Variants in HYDIN observed in about 807,000 individuals in gnomAD.
The protein encoded by HYDIN is HYDIN axonemal central pair apparatus protein, also known as axonemal central pair apparatus protein HYDIN.
HYDIN carries 132 observed loss-of-function variants against 403.9 expected under a neutral mutation model. The ratio of observed to expected loss-of-function variants is 0.33; its 90% CI spans 0.28 to 0.38. The LOEUF is 0.38. HYDIN is among the 10% of genes least tolerant of loss of function. The pLI is 1.00. For missense variants in HYDIN, 2,827 were observed against 5,009.5 expected (o/e 0.56, Z 13.15); for synonymous variants, 1,202 against 1,891.7 (o/e 0.64, Z 9.46).
At chr16:70,937,665 G>A (rs1360995176) in intron 44 of HYDIN, among the ~76,000 whole-genome samples, 1 of 71,584 alleles carries the variant, frequency 1.4e-5, no homozygotes, top group Non-Finnish European at 3.7e-5. Context: ...GCAAGAGTCT[G>A]TCTCAAAAAA....
intron 10 of HYDIN, 134 bp downstream of exon 10, chr16:71,115,562 A>T: frequency 1.8e-6 from 1 of 550,526 alleles, no homozygotes; most frequent in Non-Finnish European, 3.3e-6. Flanking sequence ...TCCCCTAATC[A>T]ATATAATCAA....
intron 35 of HYDIN, among the ~76,000 whole-genome samples, chr16:70,972,149 A>C (rs1291989607): frequency 6.9e-6 from 1 of 143,954 alleles, no homozygotes; most frequent in African/African-American, 2.6e-5. Context: ...TAAGAATGAC[A>C]AACATATTAC....
intron 5 of HYDIN, among the ~76,000 whole-genome samples, chr16:71,165,166 T>C (rs1462751117): frequency 6.6e-6 from 1 of 151,186 alleles, no homozygotes; most frequent in Non-Finnish European, 1.5e-5. Flanking sequence ...CGCTGAAAAG[T>C]ACCTAGGCTG....
rs369443840 is a variant in HYDIN, at chr16:71,229,192, A to G, written c.-24+1370T>C. On this transcript the variant is annotated intron_variant, in intron 1 of 85. Coordinates refer to ENST00000393567, the MANE Select transcript of HYDIN (RefSeq NM_001270974.2). ...GAGGGGGGAGGGATAGCATTTGGAGATATACCTAATGTAAATGACTAGTTA... is the reference window on the plus strand; with the variant it reads ...GAGGGGGGAGGGATAGCATTTGGAGGTATACCTAATGTAAATGACTAGTTA... Among the ~76,000 whole-genome samples, 64 of 151,834 alleles carry G rather than the reference A, an allele frequency of 4.2e-4. No homozygotes were observed. In the East Asian group the frequency reaches 9.1e-3, roughly 22 times the overall value.
intron 17 of HYDIN, among the ~76,000 whole-genome samples, chr16:71,061,561 C>T (rs992065966): frequency 3.3e-5 from 5 of 151,930 alleles, no homozygotes; most frequent in African/African-American, 4.8e-5. Context: ...TCCTCTTCCT[C>T]TTGGAGAGAG....
intron 1 of HYDIN, among the ~76,000 whole-genome samples, chr16:71,218,805 G>T (rs2089034965): frequency 6.6e-6 from 1 of 152,072 alleles, no homozygotes; most frequent in African/African-American, 2.4e-5. Context: ...AGCAGCAAAA[G>T]GATTATATCA....
intron 5 of HYDIN, among the ~76,000 whole-genome samples, chr16:71,175,328 T>C (rs2086627764): frequency 6.6e-6 from 1 of 151,142 alleles, no homozygotes; most frequent in Non-Finnish European, 1.5e-5. Context: ...CCAACATCAA[T>C]AACACTACCA....
rs2034999732 is a variant in HYDIN, at chr16:70,803,916, T to C, written c.*3664A>G. Among the ~76,000 whole-genome samples, 1 of 152,198 alleles carries C rather than the reference T, an allele frequency of 6.6e-6. No homozygotes were observed. The highest frequency in any genetic ancestry group is 1.5e-5 in the Non-Finnish European group (1 of 68,032). On this transcript the variant is annotated 3_prime_UTR_variant, in exon 86 of 86. Coordinates refer to ENST00000393567, the MANE Select transcript of HYDIN (RefSeq NM_001270974.2). The stretch of plus-strand genomic sequence containing the variant: ...CTGTGCACAGTGCTCCTTGGAGTTC[T>C]GCCACACAGCTACCCTGACATTTTC...
intron 69 of HYDIN, among the ~76,000 whole-genome samples, chr16:70,861,389 C>G (rs1438901569): frequency 6.6e-6 from 1 of 152,200 alleles, no homozygotes; most frequent in African/African-American, 2.4e-5. Context: ...ACTTAGGTCT[C>G]TGCCACCCTA....
chr16:71,062,015 G>A (rs1328274067), intron 17 of HYDIN, among the ~76,000 whole-genome samples, 154 bp downstream of exon 17: 4 of 152,116 alleles, frequency 2.6e-5, no homozygotes, highest in Admixed American at 1.3e-4. Flanking sequence ...ACATAGCACC[G>A]GTATTTTACC....
intron 46 of HYDIN, among the ~76,000 whole-genome samples, chr16:70,919,317 TA>T (rs10664931): frequency 1.3e-5 from 2 of 151,678 alleles, no homozygotes; most frequent in Non-Finnish European, 2.9e-5. Flanking sequence ...GTCCTTTTTT[TA>T]AAAAAAAACA....
At chr16:71,065,498 C>T (rs1355425459) in intron 15 of HYDIN, among the ~76,000 whole-genome samples, 1 of 152,098 alleles carries the variant, frequency 6.6e-6, no homozygotes, top group Non-Finnish European at 1.5e-5. Flanking sequence ...ATTTTATTTG[C>T]CGTCTGTGAC....
rs2035365841 is a variant in HYDIN at position 70,810,022 on chromosome 16, A to G, written c.14659-15T>C. 1.9e-6 allele frequency: 3 copies of G among 1,612,220 alleles called. No individual in the cohort carries two copies. Among genetic ancestry groups the G allele is most frequent in the Admixed American group, 1.7e-5 (1 of 59,970 alleles). On this transcript the variant is annotated splice_polypyrimidine_tract_variant and intron_variant, in intron 84 of 85. Coordinates refer to ENST00000393567, the MANE Select transcript of HYDIN (RefSeq NM_001270974.2). ...GAGAACGTGCCCTGGAAGAGAAAAC[A>G]GAGGATCCTGTCATGCTGAAAGGCT...
intron 46 of HYDIN, among the ~76,000 whole-genome samples, chr16:70,920,390 A>G (rs1443227075): frequency 6.7e-6 from 1 of 149,336 alleles, no homozygotes; most frequent in Non-Finnish European, 1.5e-5. Context: ...ACTAATCTAG[A>G]TGTGTGACAT....
Position 71,139,285 on chromosome 16 carries a change from A to G in HYDIN, c.842-1933T>C, listed in dbSNP as rs1260397338. On this transcript the variant is annotated intron_variant, in intron 7 of 85. Coordinates refer to ENST00000393567, the MANE Select transcript of HYDIN (RefSeq NM_001270974.2). ...AAGAAACTCAATTTTTTGGGGGGGGAAAGGTACTTGCATCCAAAGTTTCAA... is the reference window on the plus strand; with the variant it reads ...AAGAAACTCAATTTTTTGGGGGGGGGAAGGTACTTGCATCCAAAGTTTCAA... Among the ~76,000 whole-genome samples the G allele has an allele frequency of 2.2e-4, 33 of 151,700 alleles. 1 individual carries two copies. Among genetic ancestry groups the G allele is most frequent in the Admixed American group, 2.0e-3 (30 of 15,224 alleles).
At chr16:70,894,917 T>C (rs1206531317) in intron 54 of HYDIN, among the ~76,000 whole-genome samples, 1 of 152,148 alleles carries the variant, frequency 6.6e-6, no homozygotes, top group Non-Finnish European at 1.5e-5. Flanking sequence ...CCCCAAATAA[T>C]TAAAAACTCC....
intron 23 of HYDIN, among the ~76,000 whole-genome samples, chr16:70,996,559 A>G (rs1169514041): frequency 2.6e-5 from 4 of 152,032 alleles, no homozygotes; most frequent in Non-Finnish European, 5.9e-5. Context: ...GCTGTGAGCC[A>G]TAGTTCACAT....
intron 77 of HYDIN, 133 bp from the exon 78 acceptor site, chr16:70,835,967 T>A (rs1034907380): frequency 2.6e-6 from 2 of 777,676 alleles, no homozygotes; most frequent in Non-Finnish European, 2.2e-6. Context: ...TGGGTGGGCA[T>A]CTGCCTACTC....
rs576388626 is a variant in HYDIN, at chr16:71,062,014, C to T, written c.2376+155G>A. Among the ~76,000 whole-genome samples the T allele has an allele frequency of 3.9e-5, 6 of 152,204 alleles. No individual in the cohort carries two copies. The East Asian group carries it at 5.8e-4, about 15-fold the overall frequency. ...CAGATTCTGTAAAGTCACATAGCAC[C>T]GGTATTTTACCATTGCAGAGTAAAA... On this transcript the variant is annotated intron_variant, in intron 17 of 85. Coordinates refer to ENST00000393567, the MANE Select transcript of HYDIN (RefSeq NM_001270974.2).
Sources: allele counts gnomAD v4.1 joint callset (sites outside exome capture counted in the v4.1 genomes callset), GRCh38; gene constraint gnomAD v4.1.1; transcripts MANE v1.5; gene names NCBI Gene and HGNC (gene_info 2026-07-23, HGNC 2026-07-21).